The following LRP4 variants were observed in gnomAD, a reference collection of about 807,000 sequenced individuals.
LRP4 encodes the protein LDL receptor related protein 4.
In LRP4, 95 loss-of-function variants were observed where a neutral mutation model predicts 220.3. The observed-to-expected ratio is 0.43, with a 90% CI of 0.37 to 0.51. The LOEUF is 0.51. LRP4 is among the 20% of genes least tolerant of loss of function. The pLI is 0.00. For synonymous variants in LRP4, 903 were observed against 954.6 expected (o/e 0.95, Z 1.00); for missense variants, 1,925 against 2,567.0 (o/e 0.75, Z 5.40).
chr11:46,895,403 T>C (rs975427856), intron 10 of LRP4, 112 bp from the exon 11 acceptor site: 3 of 1,449,308 alleles, frequency 2.1e-6, no homozygotes, highest in African/African-American at 2.8e-5. Context: ...CCAGGCCTAG[T>C]GGGAAGGCTG....
At position 46,858,945 on chromosome 11, in the gene LRP4, G is replaced by T; in HGVS notation, c.*38C>A. 1 of 1,593,040 alleles carries T rather than the reference G, an allele frequency of 6.3e-7. No homozygotes were observed. Among genetic ancestry groups the T allele is most frequent in the Non-Finnish European group, 8.6e-7 (1 of 1,162,044 alleles). ...GCACAAGGACTAGACGTCCATAAAG[G>T]AGAAGGAACAGGCAGGCAGGGAAGA... On this transcript the variant is annotated 3_prime_UTR_variant, in exon 38 of 38. Coordinates refer to ENST00000378623, the MANE Select transcript of LRP4 (RefSeq NM_002334.4).
At position 46,868,925 on chromosome 11, in the gene LRP4, C is replaced by A. The variant is rs1050216134; in HGVS notation, c.4837+63G>T. The stretch of plus-strand genomic sequence containing the variant: ...CCTAACTGTCTTGGTCCCTAACAGT[C>A]CTTGGGTTGACCGACCAATCCCACA... On this transcript the variant is annotated intron_variant, in intron 32 of 37. Transcript: ENST00000378623. 1.9e-6 allele frequency: 3 copies of A among 1,609,182 alleles called. No homozygotes were observed. In the African/African-American group the frequency reaches 4.0e-5, roughly 22 times the overall value.
At chr11:46,917,498 C>A (rs1941964638) in intron 1 of LRP4, among the ~76,000 whole-genome samples, 1 of 152,194 alleles carries the variant, frequency 6.6e-6, no homozygotes, top group Non-Finnish European at 1.5e-5. Flanking sequence ...ACCAAGGAGT[C>A]CTGCTGCAGC....
intron 1 of LRP4, among the ~76,000 whole-genome samples, chr11:46,910,680 C>CCTTTTTTTTTTT (rs537874966): frequency 8.1e-6 from 1 of 123,814 alleles, no homozygotes; most frequent in Admixed American, 9.0e-5. Flanking sequence ...TCCTTGCCCC[C>CCTTTTTTTTTTT]TTTTTTTTTT....
At chr11:46,878,407 G>C (rs1941069493) in intron 22 of LRP4, among the ~76,000 whole-genome samples, 1 of 149,936 alleles carries the variant, frequency 6.7e-6, no homozygotes, top group Non-Finnish European at 1.5e-5. Flanking sequence ...AGCCTCCCAA[G>C]TAGCTGGGAT....
At chr11:46,878,148 C>T (rs1029783063) in intron 22 of LRP4, among the ~76,000 whole-genome samples, 1 of 152,010 alleles carries the variant, frequency 6.6e-6, no homozygotes, top group Non-Finnish European at 1.5e-5. Flanking sequence ...CTGGGACCCT[C>T]CAATAAGGTT....
intron 8 of LRP4, 147 bp from the exon 9 acceptor site, chr11:46,896,482 G>A: frequency 1.0e-6 from 1 of 965,882 alleles, no homozygotes; most frequent in East Asian, 2.4e-5. Flanking sequence ...CTCAGACAGG[G>A]CTGGCTGAAT....
chr11:46,908,329 G>C (rs1306202500), intron 1 of LRP4, among the ~76,000 whole-genome samples: 1 of 152,174 alleles, frequency 6.6e-6, no homozygotes, highest in Non-Finnish European at 1.5e-5. Context: ...CTAGGAGGTG[G>C]TACTGTTATT....
chr11:46,898,485 C>T lies in LRP4; in HGVS notation c.796+73G>A, dbSNP rs369116042. The T allele has an allele frequency of 8.9e-5, 142 of 1,600,526 alleles. No homozygotes were observed. The African/African-American group carries it at 1.3e-3, about 15-fold the overall frequency. On this transcript the variant is annotated intron_variant, in intron 7 of 37. Coordinates refer to ENST00000378623, the MANE Select transcript of LRP4 (RefSeq NM_002334.4). ...ATAAGCATGAGCCACCGCGCCCAGC[C>T]GGTAGTGGCCTCTTTGGCTCCACAA...
chr11:46,900,061 A>G (rs1309953569), intron 3 of LRP4, 85 bp from the exon 4 acceptor site: 2 of 1,133,502 alleles, frequency 1.8e-6, no homozygotes, highest in East Asian at 2.4e-5. Context: ...GGAGCAGTCA[A>G]GTAGCTCCAG....
At chr11:46,894,561 C>G (rs1048603365) in intron 12 of LRP4, 28 bp downstream of exon 12, 1 of 1,545,098 alleles carries the variant, frequency 6.5e-7, no homozygotes, top group African/African-American at 1.4e-5. Flanking sequence ...CATGGCTCTG[C>G]CCCTCTCCAT....
At chr11:46,891,754 T>C (rs1941429379) in intron 13 of LRP4, among the ~76,000 whole-genome samples, 2 of 152,112 alleles carry the variant, frequency 1.3e-5, no homozygotes, top group South Asian at 4.1e-4. Flanking sequence ...TAGTTGGGAC[T>C]ACAGGCATGC....
rs1422273179 is a variant in LRP4 at position 46,873,292 on chromosome 11, A to C, written c.4449-58T>G. 1.2e-6 allele frequency: 2 copies of C among 1,613,084 alleles called. No homozygotes were observed. The highest frequency in any genetic ancestry group is 1.7e-6 in the Non-Finnish European group (2 of 1,179,376). On this transcript the variant is annotated intron_variant, in intron 29 of 37. Coordinates refer to ENST00000378623, the MANE Select transcript of LRP4 (RefSeq NM_002334.4). This position sits in a 1 kb window ranked among gnomAD's most constrained non-coding sequence, Gnocchi z 4.2. ...ATGGGAAGACAGCACCCAGAGGTTGAGAGAACACAGAGGACCCACTAACAC... is the reference window on the plus strand; with the variant it reads ...ATGGGAAGACAGCACCCAGAGGTTGCGAGAACACAGAGGACCCACTAACAC...
chr11:46,908,444 G>A (rs1004620452), intron 1 of LRP4, among the ~76,000 whole-genome samples: 6 of 152,076 alleles, frequency 3.9e-5, no homozygotes, highest in African/African-American at 1.4e-4. Flanking sequence ...TTACAGCTGG[G>A]GACAATGAAC....
At chr11:46,879,086 A>G (rs1366302663) in intron 21 of LRP4, 40 bp downstream of exon 21, 6 of 1,614,196 alleles carry the variant, frequency 3.7e-6, no homozygotes, top group Non-Finnish European at 4.2e-6. Context: ...AGGGCATAGG[A>G]GGGCCACGGA....
At chr11:46,862,924 C>T (rs1940596727) in intron 36 of LRP4, 177 bp from the exon 37 acceptor site, 1 of 640,034 alleles carries the variant, frequency 1.6e-6, no homozygotes, top group Non-Finnish European at 2.8e-6. Flanking sequence ...TGGTGACTTA[C>T]TTCTAATGAA....
chr11:46,875,195 G>A lies in LRP4; in HGVS notation c.3926-92C>T. 7.4e-7 allele frequency: 1 copy of A among 1,342,944 alleles called. No individual in the cohort carries two copies. Among genetic ancestry groups the A allele is most frequent in the Non-Finnish European group, 1.0e-6 (1 of 964,960 alleles). The allele number at this position is 1,342,944 out of a possible 1,614,324, so 83.2% of individuals were successfully genotyped here. A position where few individuals can be genotyped will look rare whatever the true frequency, so the allele number is the denominator to read the frequency against. ...AGTTGTTTGTGGCTGGCTCTTTGCTGTTCTAAGTGACAGGATTCAGTGCCT... is the reference window on the plus strand; with the variant it reads ...AGTTGTTTGTGGCTGGCTCTTTGCTATTCTAAGTGACAGGATTCAGTGCCT... On this transcript the variant is annotated intron_variant, in intron 27 of 37. Transcript: ENST00000378623. This position sits in a 1 kb window ranked among gnomAD's most constrained non-coding sequence, Gnocchi z 4.5.
At chr11:46,879,965 C>T (rs1304740252) in intron 20 of LRP4, among the ~76,000 whole-genome samples, 2 of 152,050 alleles carry the variant, frequency 1.3e-5, no homozygotes, top group East Asian at 1.9e-4. Context: ...ATTAGCTGGG[C>T]GTGGTAGCGG....
At chr11:46,889,285 T>A (rs1050946609) in intron 16 of LRP4, 126 bp downstream of exon 16, 13 of 1,314,942 alleles carry the variant, frequency 9.9e-6, no homozygotes, top group Non-Finnish European at 3.2e-6. Context: ...AAGTTCTTCC[T>A]CTCCAGGGCT....
Sources: gnomAD v4.1 joint callset for allele counts (sites outside exome capture counted in the v4.1 genomes callset) on GRCh38, gnomAD v4.1.1 for gene constraint, Gnocchi (gnomAD v3.1) non-coding constraint, MANE v1.5 for transcripts, NCBI Gene and HGNC (gene_info 2026-07-23, HGNC 2026-07-21) for gene names.